The following GCN1 variants were observed in gnomAD, a reference collection of about 807,000 sequenced individuals.
The protein encoded by GCN1 is stalled ribosome sensor GCN1.
GCN1 carries 90 observed loss-of-function variants against 288.4 expected under a neutral mutation model. The ratio of observed to expected loss-of-function variants is 0.31; its 90% CI spans 0.26 to 0.37. GCN1 has a LOEUF of 0.37. GCN1 is among the 10% of genes least tolerant of loss of function. The pLI is 1.00. For missense variants in GCN1, 2,586 were observed against 3,419.9 expected (o/e 0.76, Z 6.08); for synonymous variants, 1,386 against 1,420.2 (o/e 0.98, Z 0.54).
chr12:120,144,199 C>T lies in GCN1; in HGVS notation c.5495+107G>A. ...CTATGTTGCCAGGGCTCATCGTAAA[C>T]TCCTGGGTTTAAGCAATCCTCCTGC... is the stretch of plus-strand genomic sequence containing the variant. On this transcript the variant is annotated intron_variant, in intron 42 of 57. Transcript: ENST00000300648. The surrounding 1 kb of genome is among the most constrained non-coding windows in gnomAD (Gnocchi z 4.7). 3 of 1,267,940 alleles carry T rather than the reference C, an allele frequency of 2.4e-6. No homozygotes were observed. Among genetic ancestry groups the T allele is most frequent in the East Asian group, 4.6e-5 (2 of 43,174 alleles). The allele number at this position is 1,267,940 out of a possible 1,614,324, so 78.5% of individuals were successfully genotyped here.
chr12:120,165,006 C>T (rs763501856), intron 16 of GCN1, among the ~76,000 whole-genome samples: 37 of 29,748 alleles, frequency 1.2e-3, no homozygotes, highest in East Asian at 1.0e-2. Context: ...CATATATACA[C>T]ACACACACAC....
Position 120,174,083 on chromosome 12 carries a change from G to T in GCN1, c.1180C>A (p.Leu394Ile), listed in dbSNP as rs549120065. The T allele has an allele frequency of 5.0e-6, 8 of 1,587,682 alleles. No individual in the cohort carries two copies. In the African/African-American group the frequency reaches 9.4e-5, roughly 19 times the overall value. Residue 394 changes from leucine to isoleucine, a missense_variant, in exon 13 of 58, where the codon CTT (leucine) becomes ATT (isoleucine). Leu to Ile is a conservative substitution (Grantham distance 5). Transcript: ENST00000300648. Reference sequence around the variant, plus strand: ...TGCACAGAATTACCTTCCTGCTGAAGGAACGGGATGAACAGCTCAGCCACG... The same window carrying T: ...TGCACAGAATTACCTTCCTGCTGAATGAACGGGATGAACAGCTCAGCCACG... ...GIVAELFIPF[L>I]QQEVHEGTLV... is the part of the protein sequence containing the mutation.
At chr12:120,163,403 C>T in intron 18 of GCN1, 144 bp from the exon 19 acceptor site, 2 of 646,750 alleles carry the variant, frequency 3.1e-6, no homozygotes, top group Non-Finnish European at 5.4e-6. Flanking sequence ...GCCCAGCTTC[C>T]TGCAATGGGA....
intron 16 of GCN1, among the ~76,000 whole-genome samples, chr12:120,166,289 G>T (rs969673494): frequency 6.6e-6 from 1 of 151,298 alleles, no homozygotes; most frequent in Admixed American, 6.6e-5. Flanking sequence ...TGTAGTCCCA[G>T]CTACTCAAAG....
At position 120,156,364 on chromosome 12, in the gene GCN1, C is replaced by A; in HGVS notation, c.3312+97G>T. On this transcript the variant is annotated intron_variant, in intron 28 of 57. Transcript: ENST00000300648. This position sits in a 1 kb window ranked among gnomAD's most constrained non-coding sequence, Gnocchi z 5.8. ...CTTCTCTTTGCCTCTAGGCCTCCCA[C>A]CAGAGTGAGGGACATTCTCTCAAAT... 1 of 1,265,694 alleles carries A rather than the reference C, an allele frequency of 7.9e-7. No individual in the cohort carries two copies. The highest frequency in any genetic ancestry group is 1.1e-6 in the Non-Finnish European group (1 of 891,852). The allele number at this position is 1,265,694 out of a possible 1,614,324, so 78.4% of individuals were successfully genotyped here.
intron 5 of GCN1, among the ~76,000 whole-genome samples, chr12:120,179,679 G>A (rs1167103866): frequency 1.3e-5 from 2 of 152,064 alleles, no homozygotes; most frequent in Non-Finnish European, 2.9e-5. Context: ...GATTACAGGC[G>A]TGAGCCACTG....
intron 16 of GCN1, among the ~76,000 whole-genome samples, chr12:120,165,280 C>T (rs953662951): frequency 6.6e-6 from 1 of 152,108 alleles, no homozygotes; most frequent in Non-Finnish European, 1.5e-5. Context: ...CGTGATCCAC[C>T]TGCCTCAGCC....
chr12:120,140,728 G>C, intron 45 of GCN1, 131 bp downstream of exon 45: 1 of 807,166 alleles, frequency 1.2e-6, no homozygotes, highest in Non-Finnish European at 1.9e-6. Context: ...CACCTCCCCA[G>C]AGTGAGACTG....
rs753123970 is a variant in GCN1 at position 120,131,295 on chromosome 12, G to A, written c.7453C>T (p.Arg2485Trp). 14 of 1,613,866 alleles carry A rather than the reference G, an allele frequency of 8.7e-6. No individual in the cohort carries two copies. The South Asian group carries it at 8.8e-5, about 10-fold the overall frequency. The change falls in exon 55 of 58, where the codon CGG becomes TGG. Residue 2485 changes from arginine to tryptophan, a missense_variant. By Grantham distance (101) the Arg-to-Trp change is moderately radical. Transcript: ENST00000300648. ...SGIDWMVRHGRSLALSVAVNV... is the reference protein window; with the variant it reads ...SGIDWMVRHGWSLALSVAVNV... ...ACAGCCACGGAAAGTGCCAGGCTCC[G>A]CCCGTGCCGAACCATCCAGTCAATG...
intron 11 of GCN1, 62 bp from the exon 12 acceptor site, chr12:120,175,274 A>C (rs1878445104): frequency 2.1e-6 from 3 of 1,401,772 alleles, no homozygotes; most frequent in Non-Finnish European, 2.0e-6. Context: ...GAGAGTGAAC[A>C]ATGCAGTCAC....
intron 24 of GCN1, 64 bp downstream of exon 24, chr12:120,159,761 C>T: frequency 7.1e-7 from 1 of 1,414,294 alleles, no homozygotes; most frequent in South Asian, 1.2e-5. Flanking sequence ...CTCAGGGGCA[C>T]ACCCTGTCCA....
chr12:120,144,359 G>A lies in GCN1; in HGVS notation c.5442C>T (p.Ala1814=), dbSNP rs1352356687. The stretch of plus-strand genomic sequence containing the variant: ...CTTGCTCTAGCTGGGGCAGCAGCAG[G>A]GCGATGGCTGTCTCAGCGTACATGG... ...VISMYAETAI[A]LLLPQLEQGL... is the part of the protein sequence containing the mutation. The change falls in exon 42 of 58, where the codon GCC becomes GCT. Residue 1814 remains alanine (A), a synonymous_variant. Transcript: ENST00000300648. This position sits in a 1 kb window ranked among gnomAD's most constrained non-coding sequence, Gnocchi z 4.7. 3 of 1,614,236 alleles carry A rather than the reference G, an allele frequency of 1.9e-6. No individual in the cohort carries two copies. The highest frequency in any genetic ancestry group is 2.2e-5 in the South Asian group (2 of 91,090).
chr12:120,155,308 G>T lies in GCN1; in HGVS notation c.3563C>A (p.Ala1188Glu), dbSNP rs1877707425. The T allele has an allele frequency of 6.2e-7, 1 of 1,614,078 alleles. No homozygotes were observed. Among genetic ancestry groups the T allele is most frequent in the East Asian group, 2.2e-5 (1 of 44,890 alleles). Residue 1188 changes from alanine (A) to glutamate (E), a missense_variant, in exon 30 of 58, where the codon GCA becomes GAA. Transcript: ENST00000300648. The surrounding 1 kb of genome is among the most constrained non-coding windows in gnomAD (Gnocchi z 4.9). Reference sequence around the variant, plus strand: ...CTCCGCCGCCTGCCGCTGGTAACGTGCCACTGCTTGGGAGAGGGCTTCGGC... The same window carrying T: ...CTCCGCCGCCTGCCGCTGGTAACGTTCCACTGCTTGGGAGAGGGCTTCGGC... ...AGAEALSQAV[A>E]RYQRQAAEVM...
chr12:120,171,790 G>A (rs1594282293), intron 14 of GCN1, among the ~76,000 whole-genome samples: 2 of 152,162 alleles, frequency 1.3e-5, no homozygotes. Flanking sequence ...GAAGAGACTA[G>A]GTAAAACCAA....
At chr12:120,169,220 T>C (rs1165362826) in intron 15 of GCN1, among the ~76,000 whole-genome samples, 4 of 135,048 alleles carry the variant, frequency 3.0e-5, no homozygotes, top group African/African-American at 1.1e-4. Flanking sequence ...GAGCTTGCAG[T>C]GAGTCGAGAT....
At chr12:120,149,775 G>C in intron 35 of GCN1, 55 bp from the exon 36 acceptor site, 1 of 1,541,514 alleles carries the variant, frequency 6.5e-7, no homozygotes, top group Non-Finnish European at 9.0e-7. Flanking sequence ...AAGGGGCAAG[G>C]CCTGACACCA....
chr12:120,142,839 A>T lies in GCN1; in HGVS notation c.5598T>A (p.Thr1866=). The T allele has an allele frequency of 6.2e-7, 1 of 1,611,310 alleles. No individual in the cohort carries two copies. The part of the protein sequence containing the change: ...ETASEDDNFG[T]AQSNKAIITA... Reference sequence around the variant, plus strand: ...CTGCAGGCACCTTGTTGGACTGGGCAGTTCCAAAGTTATCATCCTCAGAGG... The same window carrying T: ...CTGCAGGCACCTTGTTGGACTGGGCTGTTCCAAAGTTATCATCCTCAGAGG... The change falls in exon 43 of 58, where the codon ACT becomes ACA. Residue 1866 remains threonine (T), a synonymous_variant. Transcript: ENST00000300648. The surrounding 1 kb of genome is among the most constrained non-coding windows in gnomAD (Gnocchi z 4.9).
intron 42 of GCN1, among the ~76,000 whole-genome samples, chr12:120,143,815 A>C (rs145943090): frequency 6.6e-6 from 1 of 152,346 alleles, no homozygotes; most frequent in East Asian, 1.9e-4. Context: ...TATAGAGAGG[A>C]CTTTTTAAAA....
In GCN1 at chr12:120,156,661, C is replaced by G. The variant is rs550114209; in HGVS notation, c.3169-57G>C. 1.3e-6 allele frequency: 2 copies of G among 1,569,246 alleles called. No homozygotes were observed. The highest frequency in any genetic ancestry group is 4.5e-5 in the East Asian group (2 of 44,648). On this transcript the variant is annotated intron_variant, in intron 27 of 57. Transcript: ENST00000300648. This position sits in a 1 kb window ranked among gnomAD's most constrained non-coding sequence, Gnocchi z 5.8. ...AGCAACTCATTTACTACTAGGGGGC[C>G]AGAGAGGGATATGCACTGAGAACAC...
Sources: gnomAD v4.1 joint callset for allele counts (sites outside exome capture counted in the v4.1 genomes callset) on GRCh38, gnomAD v4.1.1 for gene constraint, Gnocchi (gnomAD v3.1) non-coding constraint, MANE v1.5 for transcripts, NCBI Gene and HGNC (gene_info 2026-07-23, HGNC 2026-07-21) for gene names.